HFM1: variants seen among roughly 807,000 people sequenced by gnomAD.
HFM1 encodes the protein probable ATP-dependent DNA helicase HFM1.
HFM1 carries 169 observed loss-of-function variants against 192.1 expected under a neutral mutation model. The observed-to-expected ratio is 0.88, with a 90% CI of 0.78 to 1.00. The LOEUF (loss-of-function observed/expected upper bound fraction) is 1.00. HFM1 is among the 50% of genes least tolerant of loss of function. The probability of loss-of-function intolerance (pLI) is 0.00; values close to 1 mark genes in which losing one functional copy is unlikely to be tolerated. For synonymous variants in HFM1, 525 were observed against 537.8 expected (o/e 0.98, Z 0.33); for missense variants, 1,661 against 1,668.0 (o/e 1.00, Z 0.07).
At chr1:91,318,955 T>G (rs927696541) in intron 25 of HFM1, 123 bp downstream of exon 25, 3 of 939,024 alleles carry the variant, frequency 3.2e-6, no homozygotes, top group Admixed American at 2.8e-5. Context: ...ACAGCACTTA[T>G]TTAAGCCTAC....
intron 29 of HFM1, 29 bp from the exon 30 acceptor site, chr1:91,313,524 G>T: frequency 6.7e-7 from 1 of 1,482,194 alleles, no homozygotes; most frequent in Non-Finnish European, 9.1e-7. Context: ...GTACACAAAT[G>T]TTTATTTGTC....
intron 2 of HFM1, among the ~76,000 whole-genome samples, chr1:91,396,883 A>G (rs1354365217): frequency 2.0e-5 from 3 of 152,240 alleles, no homozygotes; most frequent in Non-Finnish European, 4.4e-5. Context: ...ACCCGGCTGC[A>G]CAGCAAGAGG....
chr1:91,367,922 T>G (rs1659602332), intron 13 of HFM1, among the ~76,000 whole-genome samples: 1 of 152,124 alleles, frequency 6.6e-6, no homozygotes. Flanking sequence ...CTGATGGAGC[T>G]GAAAACCACA....
Position 91,350,854 on chromosome 1 carries a change from A to T in HFM1, c.2090T>A (p.Ile697Asn). 6.3e-7 allele frequency: 1 copy of T among 1,586,662 alleles called. No individual in the cohort carries two copies. The highest frequency in any genetic ancestry group is 8.6e-7 in the Non-Finnish European group (1 of 1,160,914). Reference sequence around the variant, plus strand: ...TACTATCTCTGCATTTAAATGTTCAATAAGATGTCTGTGCAAACTAATGAA... The same window carrying T: ...TACTATCTCTGCATTTAAATGTTCATTAAGATGTCTGTGCAAACTAATGAA... ...TVESSLHRHLIEHLNAEIVLH... is the reference protein window; with the variant it reads ...TVESSLHRHLNEHLNAEIVLH... Residue 697 changes from isoleucine to asparagine, a missense_variant, in exon 18 of 39, where the codon ATT (isoleucine) becomes AAT (asparagine). Transcript: ENST00000370425.
At chr1:91,288,947 G>T (rs1406534087) in intron 30 of HFM1, among the ~76,000 whole-genome samples, 1 of 151,556 alleles carries the variant, frequency 6.6e-6, no homozygotes, top group Non-Finnish European at 1.5e-5. Flanking sequence ...TCCCAGACGG[G>T]CCGGCCGGGC....
intron 13 of HFM1, among the ~76,000 whole-genome samples, chr1:91,364,856 A>T (rs1305778379): frequency 6.6e-6 from 1 of 151,226 alleles, no homozygotes; most frequent in Non-Finnish European, 1.5e-5. Context: ...GGTGGTCTTG[A>T]TCTCCTGACC....
At chr1:91,306,014 A>G (rs1346885692) in intron 30 of HFM1, among the ~76,000 whole-genome samples, 2 of 152,166 alleles carry the variant, frequency 1.3e-5, no homozygotes, top group East Asian at 1.9e-4. Context: ...GACATTTGCT[A>G]TAGTTTTTGT....
intron 13 of HFM1, among the ~76,000 whole-genome samples, chr1:91,364,632 A>ATATATATATTTTTTT (rs753472335): frequency 9.7e-4 from 65 of 66,768 alleles, no homozygotes; most frequent in East Asian, 1.5e-3. Context: ...ATATATATAT[A>ATATATATATTTTTTT]TTTTTTTTTT....
Position 91,351,602 on chromosome 1 carries a change from G to A in HFM1, c.2019C>T (p.Ser673=). 6.2e-7 allele frequency: 1 copy of A among 1,602,688 alleles called. No homozygotes were observed. The highest frequency in any genetic ancestry group is 1.1e-5 in the South Asian group (1 of 89,606). The change falls in exon 17 of 39, where the codon AGC becomes AGT. Residue 673 remains serine (S), a synonymous_variant. Transcript: ENST00000370425. ...ACATCTGAATGTACTTGTCCCTTGT[G>A]CTTAATCGAGTCATGATAACTGCAG... is the stretch of plus-strand genomic sequence containing the variant. ...TATAVIMTRL[S]TRDKYIQMLA...
At chr1:91,387,931 T>TAA (rs368930286) in intron 4 of HFM1, among the ~76,000 whole-genome samples, 2 of 113,060 alleles carry the variant, frequency 1.8e-5, no homozygotes, top group Non-Finnish European at 3.7e-5. Context: ...AAAAAAAAAT[T>TAA]AAAAAAAAAA....
Position 91,291,499 on chromosome 1 carries a change from C to T in HFM1, c.3392-14437G>A, listed in dbSNP as rs1269642497. Among the ~76,000 whole-genome samples, 5 of 152,132 alleles carry T rather than the reference C, an allele frequency of 3.3e-5. No individual in the cohort carries two copies. The East Asian group carries it at 9.7e-4, about 29-fold the overall frequency. ...CACATACACTCTCCCAAGACTAAAC[C>T]AGGAAGAAGTTGAATCTCTGAATAG... On this transcript the variant is annotated intron_variant, in intron 30 of 38. Transcript: ENST00000370425.
chr1:91,322,951 A>C lies in HFM1; in HGVS notation c.2581T>G (p.Cys861Gly). 7.6e-7 allele frequency: 1 copy of C among 1,322,250 alleles called. No homozygotes were observed. Among genetic ancestry groups the C allele is most frequent in the Non-Finnish European group, 1.0e-6 (1 of 982,670 alleles). 81.9% of individuals were successfully genotyped at this position (1,322,250 alleles called of 1,614,324 possible). The change falls in exon 23 of 39, where the codon TGT (cysteine) becomes GGT (glycine). Residue 861 changes from cysteine to glycine, a missense_variant and splice_region_variant. Coordinates refer to ENST00000370425, the MANE Select transcript of HFM1 (RefSeq NM_001017975.6). The stretch of plus-strand genomic sequence containing the variant: ...TTCATAAGTATGAATCATCTTTACC[A>C]ATTTACTTTCATTTCTCTTGTTTTA... ...RIKTREMKVN[C>G]LIQAQLGCIP...
At chr1:91,338,428 T>C (rs1654886263) in intron 20 of HFM1, among the ~76,000 whole-genome samples, 1 of 152,072 alleles carries the variant, frequency 6.6e-6, no homozygotes, top group Non-Finnish European at 1.5e-5. Context: ...TCTTCTGGGG[T>C]CCCTCCATGG....
intron 30 of HFM1, among the ~76,000 whole-genome samples, chr1:91,290,025 G>T (rs1010391975): frequency 6.6e-6 from 1 of 152,094 alleles, no homozygotes; most frequent in South Asian, 2.1e-4. Flanking sequence ...CACCAGGCCT[G>T]CCCTAAAAGA....
intron 32 of HFM1, among the ~76,000 whole-genome samples, chr1:91,276,381 C>T (rs906445479): frequency 2.0e-5 from 3 of 152,030 alleles, no homozygotes; most frequent in Non-Finnish European, 2.9e-5. Context: ...CTGTCTTAAT[C>T]GTCACTGTAT....
At chr1:91,310,131 G>A (rs1381282055) in intron 30 of HFM1, among the ~76,000 whole-genome samples, 2 of 152,106 alleles carry the variant, frequency 1.3e-5, no homozygotes, top group Non-Finnish European at 1.5e-5. Context: ...CAATATTTAT[G>A]AGACAATTTG....
intron 6 of HFM1, among the ~76,000 whole-genome samples, chr1:91,382,033 T>C (rs1661607586): frequency 6.6e-6 from 1 of 152,102 alleles, no homozygotes; most frequent in Non-Finnish European, 1.5e-5. Flanking sequence ...TGACATCATG[T>C]CCTACTACTC....
rs750606251 is a variant in HFM1, at chr1:91,262,472, T to G, written c.4086+9A>C. Reference sequence around the variant, plus strand: ...TTTAAAAGAAAAACAAAGAAGTGCTTCTTCTTACAATAACTGCATTTCCGG... The same window carrying G: ...TTTAAAAGAAAAACAAAGAAGTGCTGCTTCTTACAATAACTGCATTTCCGG... On this transcript the variant is annotated intron_variant, in intron 37 of 38. Transcript: ENST00000370425. 3.2e-6 allele frequency: 5 copies of G among 1,572,136 alleles called. No individual in the cohort carries two copies. Among genetic ancestry groups the G allele is most frequent in the Non-Finnish European group, 2.6e-6 (3 of 1,146,742 alleles).
chr1:91,276,931 A>G (rs1666881166), intron 31 of HFM1, 51 bp downstream of exon 31: 2 of 1,118,692 alleles, frequency 1.8e-6, no homozygotes, highest in Non-Finnish European at 2.6e-6. Context: ...CTATCCACCA[A>G]AGACCTTTCA....
Sources: gnomAD v4.1 joint callset for allele counts (sites outside exome capture counted in the v4.1 genomes callset) on GRCh38, gnomAD v4.1.1 for gene constraint, MANE v1.5 for transcripts, NCBI Gene and HGNC (gene_info 2026-07-23, HGNC 2026-07-21) for gene names.